Variants in GIPC2 observed in about 807,000 individuals in gnomAD.
The protein encoded by GIPC2 is GIPC PDZ domain containing family member 2, also known as PDZ domain-containing protein GIPC2.
In GIPC2, 30 loss-of-function variants were observed where a neutral mutation model predicts 30.6. The ratio of observed to expected loss-of-function variants is 0.98; its 90% CI spans 0.73 to 1.33. The LOEUF (loss-of-function observed/expected upper bound fraction) is 1.33, where lower values mean the gene tolerates loss of function less well. Ranked by LOEUF, GIPC2 falls within the 40% of genes most tolerant of loss-of-function variation. The probability of loss-of-function intolerance (pLI) is 0.00; values close to 1 mark genes in which losing one functional copy is unlikely to be tolerated. For missense variants in GIPC2, 414 were observed against 390.3 expected (o/e 1.06, Z -0.51); for synonymous variants, 167 against 150.0 (o/e 1.11, Z -0.83).
rs371169422 is a variant in GIPC2, at chr1:78,106,514, C to T, written c.607+11382C>T. Among the ~76,000 whole-genome samples the T allele has an allele frequency of 3.9e-5, 6 of 152,042 alleles. No individual in the cohort carries two copies. In the South Asian group the frequency reaches 6.2e-4, roughly 16 times the overall value. ...GGCGGGGCTTGCAGTGAGCAGAGAT[C>T]GCACCACTGCACTCCAGCCTGGGCA... On this transcript the variant is annotated intron_variant, in intron 3 of 5. Transcript: ENST00000370759.
chr1:78,067,228 G>C (rs532551419), intron 1 of GIPC2, among the ~76,000 whole-genome samples: 1 of 152,192 alleles, frequency 6.6e-6, no homozygotes, highest in East Asian at 1.9e-4. Flanking sequence ...TTTCAGGGTA[G>C]GGTGGCCTGT....
chr1:78,051,296 A>G (rs1055210515), intron 1 of GIPC2, among the ~76,000 whole-genome samples: 1 of 152,208 alleles, frequency 6.6e-6, no homozygotes, highest in Non-Finnish European at 1.5e-5. Context: ...GAAATTTTAC[A>G]TGTCCAGAAA....
chr1:78,062,505 CTTT>C (rs373436177), intron 1 of GIPC2, among the ~76,000 whole-genome samples: 3 of 138,626 alleles, frequency 2.2e-5, no homozygotes, highest in Admixed American at 7.3e-5. Context: ...TTTTCTTTTT[CTTT>C]TTTTTTTTTT....
intron 1 of GIPC2, among the ~76,000 whole-genome samples, chr1:78,048,997 T>C (rs1031388398): frequency 6.6e-6 from 1 of 152,214 alleles, no homozygotes; most frequent in Non-Finnish European, 1.5e-5. Context: ...ATATGCAGAA[T>C]AAAGTATTGG....
rs1277262791 is a variant in GIPC2 at position 78,137,460 on chromosome 1, T to C, written c.*1717T>C. The C allele has an allele frequency of 2.0e-5, 3 of 152,220 alleles. No individual in the cohort carries two copies. The highest frequency in any genetic ancestry group is 7.2e-5 in the African/African-American group (3 of 41,466). 9.4% of individuals were successfully genotyped at this position (152,220 alleles called of 1,614,324 possible). A position where few individuals can be genotyped will look rare whatever the true frequency, so the allele number is the denominator to read the frequency against. ...ATTTGAAATAAGTCATTGTTCATTATTGATGGTTGTCAGTTTCTCCTTCCT... is the reference window on the plus strand; with the variant it reads ...ATTTGAAATAAGTCATTGTTCATTACTGATGGTTGTCAGTTTCTCCTTCCT... On this transcript the variant is annotated 3_prime_UTR_variant, in exon 6 of 6. Coordinates refer to ENST00000370759, the MANE Select transcript of GIPC2 (RefSeq NM_017655.6).
intron 1 of GIPC2, among the ~76,000 whole-genome samples, chr1:78,071,657 G>A (rs1365306993): frequency 6.7e-6 from 1 of 149,836 alleles, no homozygotes; most frequent in Non-Finnish European, 1.5e-5. Flanking sequence ...AGGCTGTCTC[G>A]AACTCCTGAG....
At chr1:78,045,492 T>C (rs747858032), upstream of GIPC2, 59 of 895,974 alleles carry the variant, frequency 6.6e-5, no homozygotes, top group Non-Finnish European at 6.9e-5. Context: ...GCCCAGGAAA[T>C]AGGCAAAAGG....
intron 4 of GIPC2, among the ~76,000 whole-genome samples, chr1:78,123,969 C>T (rs372097000): frequency 1.2e-4 from 19 of 152,280 alleles, no homozygotes; most frequent in Middle Eastern, 6.8e-3. Flanking sequence ...GTATTAATAT[C>T]TTCAAGGAAA....
chr1:78,100,941 TACACACACAC>T lies in GIPC2; in HGVS notation c.607+5841_607+5850del, dbSNP rs71590709. ...TGAGACCCTGTCAAAAAAAAAAAAATACACACACACACACACACACACACACACACACACA... is the reference window on the plus strand; with the variant it reads ...TGAGACCCTGTCAAAAAAAAAAAAATACACACACACACACACACACACACA... On this transcript the variant is annotated intron_variant, in intron 3 of 5. Coordinates refer to ENST00000370759, the MANE Select transcript of GIPC2 (RefSeq NM_017655.6). Among the ~76,000 whole-genome samples, 400 of 114,848 alleles carry T rather than the reference TACACACACAC, an allele frequency of 3.5e-3. 22 individuals are homozygous for T. The highest frequency in any genetic ancestry group is 0.017 in the Middle Eastern group (4 of 240). The allele number at this position is 114,848 out of a possible 152,430, so 75.3% of individuals were successfully genotyped here. A position where few individuals can be genotyped will look rare whatever the true frequency, so the allele number is the denominator to read the frequency against.
At position 78,046,108 on chromosome 1, in the gene GIPC2, T is replaced by TGCGGGGGA; in HGVS notation, c.15_22dup (p.Lys8SerfsTer82). 1 of 1,475,904 alleles carries TGCGGGGGA rather than the reference T, an allele frequency of 6.8e-7. No individual in the cohort carries two copies. Among genetic ancestry groups the TGCGGGGGA allele is most frequent in the Non-Finnish European group, 8.9e-7 (1 of 1,117,884 alleles). The allele number at this position is 1,475,904 out of a possible 1,614,324, so 91.4% of individuals were successfully genotyped here. On this transcript the variant is annotated frameshift_variant, in exon 1 of 6. Coordinates refer to ENST00000370759, the MANE Select transcript of GIPC2 (RefSeq NM_017655.6). LOFTEE classifies it high-confidence loss of function. ...CGGCCCTGCAAGATGCCCCTGAAGC[T>TGCGGGGGA]GCGGGGGAAGAAGAAGGCCAAGTCC...
chr1:78,074,087 T>C (rs899339941), intron 1 of GIPC2, among the ~76,000 whole-genome samples: 19 of 152,330 alleles, frequency 1.2e-4, no homozygotes, highest in Admixed American at 3.9e-4. Context: ...GGTTATGATA[T>C]TAAAAAGGAG....
intron 5 of GIPC2, among the ~76,000 whole-genome samples, chr1:78,133,758 G>C (rs1410212386): frequency 1.4e-5 from 1 of 73,024 alleles, no homozygotes; most frequent in African/African-American, 5.6e-5. Flanking sequence ...AATTGTGTGT[G>C]TGTGTGTGTG....
intron 3 of GIPC2, among the ~76,000 whole-genome samples, chr1:78,117,180 A>T (rs536416192): frequency 2.8e-4 from 43 of 152,370 alleles, no homozygotes; most frequent in South Asian, 2.5e-3. Context: ...TGGGCAAAGG[A>T]TATGAACAGA....
chr1:78,065,093 C>T (rs1661480027), intron 1 of GIPC2, among the ~76,000 whole-genome samples: 1 of 152,100 alleles, frequency 6.6e-6, no homozygotes, highest in Non-Finnish European at 1.5e-5. Flanking sequence ...CTCGCCTCAG[C>T]CCCTGAGTAG....
chr1:78,057,833 T>C (rs1661324117), intron 1 of GIPC2, among the ~76,000 whole-genome samples: 1 of 152,220 alleles, frequency 6.6e-6, no homozygotes, highest in South Asian at 2.1e-4. Context: ...ACATGGAGCT[T>C]ACATTCTAGT....
At chr1:78,083,310 T>C (rs1010536645) in intron 2 of GIPC2, among the ~76,000 whole-genome samples, 6 of 152,170 alleles carry the variant, frequency 3.9e-5, no homozygotes, top group African/African-American at 1.4e-4. Flanking sequence ...TGTTGATAAA[T>C]AGATTGTGCA....
At chr1:78,127,841 C>G (rs1032180541) in intron 5 of GIPC2, among the ~76,000 whole-genome samples, 3 of 152,114 alleles carry the variant, frequency 2.0e-5, no homozygotes, top group Non-Finnish European at 4.4e-5. Flanking sequence ...AGGTGTGTGC[C>G]TCCATACCCA....
intron 1 of GIPC2, among the ~76,000 whole-genome samples, chr1:78,060,357 C>G (rs750307894): frequency 1.1e-4 from 17 of 152,118 alleles, no homozygotes; most frequent in Non-Finnish European, 1.8e-4. Context: ...GTTGCCTAGG[C>G]TGGTCTCAAA....
chr1:78,111,711 G>A (rs941800180), intron 3 of GIPC2, among the ~76,000 whole-genome samples: 1 of 152,212 alleles, frequency 6.6e-6, no homozygotes, highest in African/African-American at 2.4e-5. Flanking sequence ...TTCTATTAAC[G>A]TGAGCCAGGC....
Sources: allele counts gnomAD v4.1 joint callset (sites outside exome capture counted in the v4.1 genomes callset), GRCh38; gene constraint gnomAD v4.1.1; transcripts MANE v1.5; gene names NCBI Gene and HGNC (gene_info 2026-07-23, HGNC 2026-07-21).